The following USP40 variants were observed in gnomAD, a reference collection of about 807,000 sequenced individuals.
USP40 encodes ubiquitin specific peptidase 40.
A neutral mutation model predicts 166.2 loss-of-function variants in USP40; 143 were observed. The observed-to-expected ratio is 0.86, with a 90% CI of 0.75 to 0.99. USP40 has a LOEUF of 0.99. Ranked by LOEUF, USP40 falls within the 50% of genes least tolerant of loss-of-function variation. The pLI is 0.00. For missense variants in USP40, 1,444 were observed against 1,479.7 expected (o/e 0.98, Z 0.40); for synonymous variants, 498 against 524.0 (o/e 0.95, Z 0.68).
At chr2:233,509,938 C>T (rs2066687252) in intron 21 of USP40, 111 bp downstream of exon 21, 1 of 758,236 alleles carries the variant, frequency 1.3e-6, no homozygotes, top group Non-Finnish European at 2.2e-6. Flanking sequence ...TGAAGTACAC[C>T]ATATCAGGCC....
rs758969961 is a variant in USP40 at position 233,523,484 on chromosome 2, A to G, written c.1887T>C (p.Gly629=). 16 of 1,611,892 alleles carry G rather than the reference A, an allele frequency of 9.9e-6. 1 individual carries two copies. The highest frequency in any genetic ancestry group is 1.7e-4 in the Middle Eastern group (1 of 6,054). Residue 629 remains glycine, a synonymous_variant, in exon 16 of 32, where the codon GGT becomes GGC. Coordinates refer to ENST00000678225, the MANE Select transcript of USP40 (RefSeq NM_001365479.2). ...DIFVWNGVEV[G]GVHIQTGIDC... is the part of the protein sequence containing the mutation. ...CAATACCAGTTTGAATGTGGACTCC[A>G]CCAACCTGCAATCATACCAAGACAA...
chr2:233,550,553 T>C (rs1382825450), intron 7 of USP40, among the ~76,000 whole-genome samples: 1 of 151,376 alleles, frequency 6.6e-6, no homozygotes, highest in Non-Finnish European at 1.5e-5. Flanking sequence ...GGAAGGCCCA[T>C]TTGTGAAGAT....
chr2:233,536,496 A>G (rs2068945215), intron 10 of USP40, among the ~76,000 whole-genome samples: 1 of 152,202 alleles, frequency 6.6e-6, no homozygotes, highest in African/African-American at 2.4e-5. Flanking sequence ...AAAAAAATAC[A>G]AAGAATTAGC....
intron 24 of USP40, among the ~76,000 whole-genome samples, chr2:233,495,792 G>A (rs1247034130): frequency 1.3e-5 from 2 of 152,092 alleles, no homozygotes; most frequent in African/African-American, 4.8e-5. Flanking sequence ...CTGGAATTTT[G>A]TATTATGAGT....
At chr2:233,548,494 T>A (rs548603162) in intron 8 of USP40, among the ~76,000 whole-genome samples, 2 of 152,266 alleles carry the variant, frequency 1.3e-5, no homozygotes, top group South Asian at 4.1e-4. Flanking sequence ...TTTATGATAA[T>A]GGAGTAACTG....
At chr2:233,516,852 G>A (rs942455042) in intron 18 of USP40, among the ~76,000 whole-genome samples, 7 of 147,866 alleles carry the variant, frequency 4.7e-5, no homozygotes, top group African/African-American at 1.8e-4. Flanking sequence ...GCAAGACTCC[G>A]TCTCGAATTG....
intron 8 of USP40, chr2:233,546,343 G>A (rs907013033): frequency 4.6e-5 from 7 of 152,242 alleles, no homozygotes; most frequent in African/African-American, 9.6e-5. Context: ...TCACCAGAGT[G>A]TGAAACTGCC....
intron 18 of USP40, among the ~76,000 whole-genome samples, chr2:233,516,445 C>T (rs2067201912): frequency 6.6e-6 from 1 of 152,114 alleles, no homozygotes; most frequent in Non-Finnish European, 1.5e-5. Flanking sequence ...CACCTGTAAT[C>T]CCAGCACTTT....
rs145628229 is a variant in USP40 at position 233,560,288 on chromosome 2, T to C, written c.268-364A>G. ...CACACAATTTCCCCTCTGTAGAAATTTTCCAGGCACAATACTGTATCTCGC... is the reference window on the plus strand; with the variant it reads ...CACACAATTTCCCCTCTGTAGAAATCTTCCAGGCACAATACTGTATCTCGC... On this transcript the variant is annotated intron_variant, in intron 3 of 31. Coordinates refer to ENST00000678225, the MANE Select transcript of USP40 (RefSeq NM_001365479.2). 6.7e-3 allele frequency among the ~76,000 whole-genome samples: 1,016 copies of C among 152,238 alleles called. 13 individuals are homozygous for C. The highest frequency in any genetic ancestry group is 0.024 in the African/African-American group (979 of 41,530).
At chr2:233,484,703 G>A (rs188483870) in intron 30 of USP40, among the ~76,000 whole-genome samples, 14 of 152,046 alleles carry the variant, frequency 9.2e-5, no homozygotes, top group Admixed American at 8.5e-4. Context: ...GGCTGGTCTC[G>A]AACTCCTGGG....
Position 233,485,750 on chromosome 2 carries a change from C to T in USP40, c.3408+17G>A, listed in dbSNP as rs1215866714. 1.9e-6 allele frequency: 3 copies of T among 1,612,100 alleles called. No individual in the cohort carries two copies. Among genetic ancestry groups the T allele is most frequent in the Non-Finnish European group, 2.5e-6 (3 of 1,179,050 alleles). ...CCGGTAAGCCCCAATTTCTCTGAGA[C>T]AGCCCCACAACTTTACCCAGCTAGA... On this transcript the variant is annotated intron_variant, in intron 29 of 31. Coordinates refer to ENST00000678225, the MANE Select transcript of USP40 (RefSeq NM_001365479.2).
rs1360396226 is a variant in USP40, at chr2:233,493,787, G to A, written c.2791-236C>T. Among the ~76,000 whole-genome samples, 1 of 152,180 alleles carries A rather than the reference G, an allele frequency of 6.6e-6. No homozygotes were observed. The highest frequency in any genetic ancestry group is 1.5e-5 in the Non-Finnish European group (1 of 68,042). ...ATATCCCTTGCTTAAAGGTATCTTA[G>A]TAGATAATATAAATGAGAAGCATAA... is the stretch of plus-strand genomic sequence containing the variant. On this transcript the variant is annotated intron_variant, in intron 24 of 31. Coordinates refer to ENST00000678225, the MANE Select transcript of USP40 (RefSeq NM_001365479.2). The surrounding 1 kb of genome is among the most constrained non-coding windows in gnomAD (Gnocchi z 4.7).
intron 15 of USP40, among the ~76,000 whole-genome samples, 180 bp from the exon 16 acceptor site, chr2:233,523,669 ATCTTT>A (rs1266291119): frequency 6.6e-6 from 1 of 152,136 alleles, no homozygotes; most frequent in Non-Finnish European, 1.5e-5. Context: ...AAACTTTCTT[ATCTTT>A]TATTTTTTTA....
intron 13 of USP40, among the ~76,000 whole-genome samples, chr2:233,526,654 G>T (rs2068055184): frequency 6.6e-6 from 1 of 152,028 alleles, no homozygotes; most frequent in Admixed American, 6.6e-5. Context: ...CCTTTTCCTT[G>T]ATCAGAAAGT....
intron 28 of USP40, 49 bp downstream of exon 28, chr2:233,488,190 A>C: frequency 1.3e-6 from 2 of 1,506,710 alleles, no homozygotes; most frequent in Non-Finnish European, 1.8e-6. Flanking sequence ...AAGGCAAACG[A>C]GGTTAAGATA....
At chr2:233,541,063 T>C (rs1020649304) in intron 9 of USP40, among the ~76,000 whole-genome samples, 12 of 152,234 alleles carry the variant, frequency 7.9e-5, no homozygotes, top group African/African-American at 2.9e-4. Context: ...GAATTTTCCA[T>C]TTAAATGTGT....
intron 8 of USP40, among the ~76,000 whole-genome samples, chr2:233,545,114 G>A (rs1376035758): frequency 6.6e-6 from 1 of 152,120 alleles, no homozygotes; most frequent in Non-Finnish European, 1.5e-5. Flanking sequence ...AAAATCACAA[G>A]GAAATACAAT....
rs1371913857 is a variant in USP40, at chr2:233,565,572, C to A, written c.-18G>T. ...CCAAACATTGTGAAACTAAATACTA[C>A]CCTTAAAAAAAGTGACATATAAATG... On this transcript the variant is annotated splice_region_variant and 5_prime_UTR_variant, in exon 2 of 32. Coordinates refer to ENST00000678225, the MANE Select transcript of USP40 (RefSeq NM_001365479.2). 3 of 1,529,646 alleles carry A rather than the reference C, an allele frequency of 2.0e-6. No individual in the cohort carries two copies. The highest frequency in any genetic ancestry group is 1.4e-5 in the African/African-American group (1 of 72,310). The allele number at this position is 1,529,646 out of a possible 1,614,324, so 94.8% of individuals were successfully genotyped here.
chr2:233,502,894 G>A (rs1013646749), intron 21 of USP40, among the ~76,000 whole-genome samples: 2 of 151,384 alleles, frequency 1.3e-5, no homozygotes, highest in African/African-American at 4.9e-5. Context: ...CCCTACAATA[G>A]CTACTCCATA....
Sources: gnomAD v4.1 joint callset for allele counts (sites outside exome capture counted in the v4.1 genomes callset) on GRCh38, gnomAD v4.1.1 for gene constraint, Gnocchi (gnomAD v3.1) non-coding constraint, MANE v1.5 for transcripts, NCBI Gene and HGNC (gene_info 2026-07-23, HGNC 2026-07-21) for gene names.